NETO2: variants seen among roughly 807,000 people sequenced by gnomAD.
NETO2 encodes neuropilin and tolloid like 2.
In NETO2, 28 loss-of-function variants were observed where a neutral mutation model predicts 62.5. The observed-to-expected ratio is 0.45, with a 90% CI of 0.33 to 0.61. NETO2 has a LOEUF of 0.61. NETO2 is among the 20% of genes least tolerant of loss of function. NETO2 has a pLI of 0.02. For synonymous variants in NETO2, 214 were observed against 219.1 expected (o/e 0.98, Z 0.21); for missense variants, 548 against 643.2 (o/e 0.85, Z 1.60).
rs1196723097 is a variant in NETO2 at position 47,080,178 on chromosome 16, C to T, written c.*3043G>A. ...CACAAAAGGAATATCACATCTTATT[C>T]CTACATGCTTTAGATGTTGGGATTA... On this transcript the variant is annotated 3_prime_UTR_variant, in exon 9 of 9. Coordinates refer to ENST00000562435, the MANE Select transcript of NETO2 (RefSeq NM_018092.5). 6.6e-6 allele frequency: 1 copy of T among 152,198 alleles called. No homozygotes were observed. Among genetic ancestry groups the T allele is most frequent in the East Asian group, 1.9e-4 (1 of 5,192 alleles). The allele number at this position is 152,198 out of a possible 1,614,324, so 9.4% of individuals were successfully genotyped here.
chr16:47,097,582 C>T (rs1239976688), intron 7 of NETO2, among the ~76,000 whole-genome samples: 3 of 152,150 alleles, frequency 2.0e-5, no homozygotes, highest in Non-Finnish European at 2.9e-5. Flanking sequence ...GGGAAGGGGC[C>T]GCTGTGGGTG....
intron 6 of NETO2, among the ~76,000 whole-genome samples, chr16:47,121,822 T>C (rs1000806639): frequency 6.6e-6 from 1 of 152,190 alleles, no homozygotes; most frequent in South Asian, 2.1e-4. Context: ...TACAGTTCTC[T>C]CTCTTCATTT....
Position 47,138,257 on chromosome 16 carries a change from G to A in NETO2, c.34+5322C>T, listed in dbSNP as rs146251803. On this transcript the variant is annotated intron_variant, in intron 1 of 8. Transcript: ENST00000562435. The stretch of plus-strand genomic sequence containing the variant: ...TCTAATAAAAATACAAAAATTAGCC[G>A]GGCATGGTGGCACACGCCTGTAGTC... Among the ~76,000 whole-genome samples the A allele has an allele frequency of 5.7e-3, 873 of 152,206 alleles. 7 individuals carry two copies. Among genetic ancestry groups the A allele is most frequent in the African/African-American group, 0.02 (829 of 41,520 alleles).
chr16:47,098,734 A>G (rs1347334881), intron 7 of NETO2, among the ~76,000 whole-genome samples: 1 of 152,218 alleles, frequency 6.6e-6, no homozygotes, highest in African/African-American at 2.4e-5. Flanking sequence ...CGTCAGATTC[A>G]CCAAGGTTGA....
chr16:47,086,763 G>A (rs1297631568), intron 7 of NETO2, among the ~76,000 whole-genome samples: 2 of 152,140 alleles, frequency 1.3e-5, no homozygotes, highest in East Asian at 1.9e-4. Flanking sequence ...TAGAATTACC[G>A]TATGATCCAG....
At chr16:47,121,770 T>A (rs1450141997) in intron 6 of NETO2, among the ~76,000 whole-genome samples, 1 of 152,202 alleles carries the variant, frequency 6.6e-6, no homozygotes, top group Admixed American at 6.5e-5. Flanking sequence ...GTTATAAAAG[T>A]CAGCCAGGGG....
At chr16:47,086,653 G>C (rs182418335) in intron 7 of NETO2, among the ~76,000 whole-genome samples, 1 of 152,284 alleles carries the variant, frequency 6.6e-6, no homozygotes, top group Non-Finnish European at 1.5e-5. Flanking sequence ...ATGTTGGCAA[G>C]GATGTGGAGA....
chr16:47,097,569 T>G (rs562964403), intron 7 of NETO2, among the ~76,000 whole-genome samples: 5 of 152,278 alleles, frequency 3.3e-5, no homozygotes, highest in African/African-American at 9.6e-5. Flanking sequence ...ACAGAGCACC[T>G]GGGGGAAGGG....
intron 7 of NETO2, among the ~76,000 whole-genome samples, chr16:47,106,163 A>G (rs1178657683): frequency 6.6e-6 from 1 of 152,254 alleles, no homozygotes; most frequent in Non-Finnish European, 1.5e-5. Context: ...GATTTCATGG[A>G]TGAACCTTGA....
At position 47,122,726 on chromosome 16, in the gene NETO2, T is replaced by C. The variant is rs1260054591; in HGVS notation, c.585A>G (p.Gln195=). The change falls in exon 6 of 9, where the codon CAA becomes CAG. Residue 195 remains glutamine, a synonymous_variant. Transcript: ENST00000562435. ...DGIVRSSQVE[Q]EEKTKPGQAV... ...CTTGGCCTGGTTTTGTTTTCTCCTC[T>C]TGTTCTACCTGACTAGAGCGCACTA... is the stretch of plus-strand genomic sequence containing the variant. 1 of 1,614,140 alleles carries C rather than the reference T, an allele frequency of 6.2e-7. No homozygotes were observed. The highest frequency in any genetic ancestry group is 2.2e-5 in the East Asian group (1 of 44,868).
chr16:47,121,128 T>A (rs879548159), intron 6 of NETO2, among the ~76,000 whole-genome samples: 11 of 152,228 alleles, frequency 7.2e-5, no homozygotes, highest in Non-Finnish European at 1.5e-4. Flanking sequence ...ATAGACCTCC[T>A]ATTTGGTTAT....
chr16:47,115,722 T>TATATAC (rs1963903335), intron 6 of NETO2, among the ~76,000 whole-genome samples: 1 of 140,530 alleles, frequency 7.1e-6, no homozygotes, highest in African/African-American at 2.9e-5. Context: ...TACATATATA[T>TATATAC]ATATATATAC....
chr16:47,129,393 C>T (rs898737961), intron 2 of NETO2, 29 bp from the exon 3 acceptor site: 2 of 1,608,146 alleles, frequency 1.2e-6, no homozygotes, highest in African/African-American at 2.7e-5. Flanking sequence ...TTAAAACACT[C>T]ATTACAGCAA....
chr16:47,106,978 T>G (rs1004277158), intron 7 of NETO2, among the ~76,000 whole-genome samples: 3 of 152,068 alleles, frequency 2.0e-5, no homozygotes, highest in Non-Finnish European at 4.4e-5. Flanking sequence ...GATGGGGTTT[T>G]GCCACATTGC....
At chr16:47,131,240 G>A (rs181380574) in intron 2 of NETO2, among the ~76,000 whole-genome samples, 1 of 152,258 alleles carries the variant, frequency 6.6e-6, no homozygotes, top group East Asian at 1.9e-4. Flanking sequence ...GACGGTAGGT[G>A]CGTGAAAGAG....
At chr16:47,085,304 A>G (rs1963161747) in intron 8 of NETO2, among the ~76,000 whole-genome samples, 1 of 152,250 alleles carries the variant, frequency 6.6e-6, no homozygotes, top group Non-Finnish European at 1.5e-5. Context: ...TTGACAATTA[A>G]ATAAGGTATG....
At chr16:47,105,704 T>C (rs989317688) in intron 7 of NETO2, among the ~76,000 whole-genome samples, 26 of 152,176 alleles carry the variant, frequency 1.7e-4, no homozygotes, top group Non-Finnish European at 2.5e-4. Context: ...GATGTATGAA[T>C]AGCCAAGAAG....
chr16:47,137,537 C>G (rs1440227184), intron 1 of NETO2, among the ~76,000 whole-genome samples: 1 of 152,152 alleles, frequency 6.6e-6, no homozygotes, highest in African/African-American at 2.4e-5. Flanking sequence ...AAACGTTGAA[C>G]TTGAGGTGAA....
At chr16:47,140,135 CA>C (rs1964433479) in intron 1 of NETO2, among the ~76,000 whole-genome samples, 1 of 152,176 alleles carries the variant, frequency 6.6e-6, no homozygotes, top group African/African-American at 2.4e-5. Context: ...ACTGAGAGGG[CA>C]AGGCCTCCCA....
Sources: allele counts gnomAD v4.1 joint callset (sites outside exome capture counted in the v4.1 genomes callset), GRCh38; gene constraint gnomAD v4.1.1; transcripts MANE v1.5; gene names NCBI Gene and HGNC (gene_info 2026-07-23, HGNC 2026-07-21).